BBOX1: variants seen among roughly 807,000 people sequenced by gnomAD.
BBOX1 encodes the protein gamma-butyrobetaine hydroxylase 1.
BBOX1 carries 35 observed loss-of-function variants against 41.6 expected under a neutral mutation model. The ratio of observed to expected loss-of-function variants is 0.84; its 90% CI spans 0.64 to 1.11. BBOX1 has a LOEUF of 1.11. BBOX1 is among the 50% of genes most tolerant of loss of function. BBOX1 has a pLI of 0.00. For synonymous variants in BBOX1, 163 were observed against 154.7 expected, an observed-to-expected ratio of 1.05 and a Z score of -0.40; for missense variants, 458 against 460.6, an observed-to-expected ratio of 0.99 and a Z score of 0.05.
rs117440456 is a variant in BBOX1 at position 27,084,489 on chromosome 11, A to G, written c.335-8679A>G. Reference sequence around the variant, plus strand: ...GGCAGGATCTCCATAGTGCACGAGAAGAAAATCAAAGCTCTGTTTTCCACT... The same window carrying G: ...GGCAGGATCTCCATAGTGCACGAGAGGAAAATCAAAGCTCTGTTTTCCACT... On this transcript the variant is annotated intron_variant, in intron 4 of 8. Coordinates refer to ENST00000263182, the MANE Select transcript of BBOX1 (RefSeq NM_003986.3). Among the ~76,000 whole-genome samples the G allele has an allele frequency of 6.9e-4, 105 of 152,268 alleles. 2 individuals carry two copies. The East Asian group carries it at 0.018, about 26-fold the overall frequency.
chr11:27,082,539 C>G (rs550339355), intron 4 of BBOX1, among the ~76,000 whole-genome samples: 2 of 152,218 alleles, frequency 1.3e-5, no homozygotes, highest in East Asian at 3.9e-4. Context: ...ACCATACAAC[C>G]CTTTTCCCAT....
Position 27,059,012 on chromosome 11 carries a change from C to G in BBOX1, c.334+1697C>G, listed in dbSNP as rs553405403. Among the ~76,000 whole-genome samples the G allele has an allele frequency of 2.0e-4, 31 of 152,314 alleles. No individual in the cohort carries two copies. In the Middle Eastern group the frequency reaches 0.017, roughly 84 times the overall value. ...AAGCCAGTGCTAATAGCCAAGACAA[C>G]AAGAAAAAGCCTTCGAAGGCATTTC... On this transcript the variant is annotated intron_variant, in intron 4 of 8. Coordinates refer to ENST00000263182, the MANE Select transcript of BBOX1 (RefSeq NM_003986.3).
chr11:27,072,491 G>C (rs945069763), intron 4 of BBOX1, among the ~76,000 whole-genome samples: 1 of 152,112 alleles, frequency 6.6e-6, no homozygotes, highest in Non-Finnish European at 1.5e-5. Flanking sequence ...AAATGGCCAT[G>C]CTGCCCAAGG....
chr11:27,102,051 T>C (rs1220046602), intron 5 of BBOX1, among the ~76,000 whole-genome samples: 1 of 152,144 alleles, frequency 6.6e-6, no homozygotes, highest in Admixed American at 6.5e-5. Flanking sequence ...AAGAATGGAC[T>C]TCAGACAACC....
At chr11:27,101,785 T>C (rs1261625578) in intron 5 of BBOX1, among the ~76,000 whole-genome samples, 1 of 152,188 alleles carries the variant, frequency 6.6e-6, no homozygotes, top group Non-Finnish European at 1.5e-5. Flanking sequence ...ACATTTTGAT[T>C]GCCACAATCA....
intron 4 of BBOX1, among the ~76,000 whole-genome samples, chr11:27,080,909 A>G (rs935521426): frequency 6.6e-6 from 1 of 152,170 alleles, no homozygotes; most frequent in Non-Finnish European, 1.5e-5. Context: ...ATTTAACCAG[A>G]CAGCAGGCAC....
At chr11:27,080,522 C>G (rs1857799296) in intron 4 of BBOX1, among the ~76,000 whole-genome samples, 1 of 152,024 alleles carries the variant, frequency 6.6e-6, no homozygotes, top group Non-Finnish European at 1.5e-5. Flanking sequence ...TACTGGGGAA[C>G]CAGTGGTGAA....
At chr11:27,079,212 A>G (rs1262226138) in intron 4 of BBOX1, among the ~76,000 whole-genome samples, 2 of 152,166 alleles carry the variant, frequency 1.3e-5, no homozygotes, top group East Asian at 3.9e-4. Flanking sequence ...CATTGGTTTG[A>G]TTTCTAGCAA....
intron 4 of BBOX1, among the ~76,000 whole-genome samples, chr11:27,087,842 T>C (rs1292182577): frequency 6.6e-6 from 1 of 152,036 alleles, no homozygotes; most frequent in African/African-American, 2.4e-5. Context: ...CAGAGAGCTA[T>C]GGTTGAAAAA....
intron 5 of BBOX1, among the ~76,000 whole-genome samples, chr11:27,111,505 A>T (rs1859062059): frequency 6.6e-6 from 1 of 151,878 alleles, no homozygotes; most frequent in South Asian, 2.1e-4. Context: ...AGCTGAAATT[A>T]TTTTTTATTA....
intron 5 of BBOX1, among the ~76,000 whole-genome samples, chr11:27,093,816 T>A (rs1858335036): frequency 6.6e-6 from 1 of 151,970 alleles, no homozygotes; most frequent in Non-Finnish European, 1.5e-5. Flanking sequence ...CATAGCACAC[T>A]CCTGCTGTCT....
intron 4 of BBOX1, among the ~76,000 whole-genome samples, chr11:27,076,020 C>G (rs948749486): frequency 5.9e-5 from 9 of 152,220 alleles, no homozygotes; most frequent in Admixed American, 2.0e-4. Context: ...TTCTGGGACT[C>G]AAGGCCTGCC....
At chr11:27,064,685 A>G (rs1003451216) in intron 4 of BBOX1, among the ~76,000 whole-genome samples, 1 of 152,136 alleles carries the variant, frequency 6.6e-6, no homozygotes, top group African/African-American at 2.4e-5. Flanking sequence ...TCCTCAAATC[A>G]ATCTATCCAA....
chr11:27,069,620 G>A (rs769528981), intron 4 of BBOX1, among the ~76,000 whole-genome samples: 1 of 152,026 alleles, frequency 6.6e-6, no homozygotes, highest in African/African-American at 2.4e-5. Flanking sequence ...GAATAGAACT[G>A]GTGAAAGCGG....
intron 5 of BBOX1, 109 bp downstream of exon 5, chr11:27,093,475 G>C: frequency 8.8e-7 from 1 of 1,140,714 alleles, no homozygotes. Flanking sequence ...ATAATGTCTT[G>C]AGTAGGAAGT....
intron 2 of BBOX1, among the ~76,000 whole-genome samples, chr11:27,043,030 A>C (rs1272005626): frequency 6.6e-6 from 1 of 152,060 alleles, no homozygotes; most frequent in Non-Finnish European, 1.5e-5. Flanking sequence ...ACACACAACA[A>C]TCTTGAGATT....
chr11:27,049,993 A>G (rs1213244289), intron 2 of BBOX1, among the ~76,000 whole-genome samples: 1 of 152,092 alleles, frequency 6.6e-6, no homozygotes, highest in African/African-American at 2.4e-5. Context: ...TTCAGATTTT[A>G]TGTTTAAGTC....
At chr11:27,057,485 T>C (rs1857020914) in intron 4 of BBOX1, 170 bp downstream of exon 4, 2 of 592,530 alleles carry the variant, frequency 3.4e-6, no homozygotes, top group Non-Finnish European at 5.8e-6. Flanking sequence ...TGGGTAGAGA[T>C]GAAAAGGAGT....
intron 4 of BBOX1, among the ~76,000 whole-genome samples, chr11:27,064,443 C>T (rs1456906954): frequency 6.6e-6 from 1 of 152,146 alleles, no homozygotes; most frequent in Middle Eastern, 3.2e-3. Context: ...GTTTAAGAAG[C>T]ATGTCTTTGT....
Sources: allele counts gnomAD v4.1 joint callset (sites outside exome capture counted in the v4.1 genomes callset), GRCh38; gene constraint gnomAD v4.1.1; transcripts MANE v1.5; gene names NCBI Gene and HGNC (gene_info 2026-07-23, HGNC 2026-07-21).